The following OGA variants were observed in gnomAD, a reference collection of about 807,000 sequenced individuals.
The protein encoded by OGA is O-GlcNAcase.
A neutral mutation model predicts 102.0 loss-of-function variants in OGA; 21 were observed. That is an observed-to-expected ratio of 0.21 (90% CI 0.15 to 0.30). OGA has a LOEUF of 0.30. OGA is among the 10% of genes least tolerant of loss of function. The probability of loss-of-function intolerance (pLI) is 1.00; values close to 1 mark genes in which losing one functional copy is unlikely to be tolerated. For missense variants in OGA, 765 were observed against 1,107.8 expected (o/e 0.69, Z 4.39); for synonymous variants, 408 against 378.2 (o/e 1.08, Z -0.91).
chr10:101,812,604 T>C (rs963459055), intron 3 of OGA, among the ~76,000 whole-genome samples: 1 of 152,262 alleles, frequency 6.6e-6, no homozygotes, highest in Non-Finnish European at 1.5e-5. Context: ...AATTTCTGCA[T>C]TAATTTTGGT....
intron 13 of OGA, 66 bp downstream of exon 13, chr10:101,791,274 TTTCCAGTCATCACC>T: frequency 7.8e-7 from 1 of 1,285,994 alleles, no homozygotes; most frequent in African/African-American, 1.5e-5. Context: ...AATAAATATA[TTTCCAGTCATCACC>T]TCCCCTCAAC....
chr10:101,787,672 G>T, intron 14 of OGA, 149 bp from the exon 15 acceptor site: 2 of 664,284 alleles, frequency 3.0e-6, no homozygotes, highest in South Asian at 2.2e-5. Context: ...TATAATTCTA[G>T]CTGAAGCATT....
At chr10:101,787,599 C>T in intron 14 of OGA, 76 bp from the exon 15 acceptor site, 4 of 1,211,300 alleles carry the variant, frequency 3.3e-6, no homozygotes, top group Non-Finnish European at 4.7e-6. Context: ...AACTTAGCAA[C>T]AAGAAAGCAA....
At chr10:101,797,855 C>A in intron 10 of OGA, 125 bp downstream of exon 10, 1 of 911,238 alleles carries the variant, frequency 1.1e-6, no homozygotes, top group Admixed American at 2.4e-5. Flanking sequence ...TTGAAAGAAA[C>A]CTAGGCAACG....
At chr10:101,794,728 C>T (rs542670958) in intron 10 of OGA, among the ~76,000 whole-genome samples, 9 of 152,268 alleles carry the variant, frequency 5.9e-5, no homozygotes, top group Non-Finnish European at 1.2e-4. Flanking sequence ...ATACACTGAA[C>T]ATACACATGG....
At chr10:101,786,611 A>G in intron 15 of OGA, 24 bp from the exon 16 acceptor site, 1 of 1,543,414 alleles carries the variant, frequency 6.5e-7, no homozygotes, top group Non-Finnish European at 8.7e-7. Context: ...AAATATTCAA[A>G]ACATAAATAA....
chr10:101,805,852 G>A (rs555261412), intron 6 of OGA, among the ~76,000 whole-genome samples, 193 bp downstream of exon 6: 14 of 152,230 alleles, frequency 9.2e-5, no homozygotes, highest in Admixed American at 7.8e-4. Context: ...CTACTCGGGA[G>A]GCTGAGGCAG....
chr10:101,797,690 T>G (rs888785940), intron 10 of OGA: 29 of 545,010 alleles, frequency 5.3e-5, no homozygotes, highest in Admixed American at 5.2e-4. Context: ...GTATACAGGG[T>G]TCCATCCAGA....
chr10:101,804,272 C>CTTTTTTTTTTTTTT (rs965762850), intron 6 of OGA, among the ~76,000 whole-genome samples: 1 of 131,938 alleles, frequency 7.6e-6, no homozygotes, highest in Non-Finnish European at 1.6e-5. Flanking sequence ...CTTACGTGTA[C>CTTTTTTTTTTTTTT]TTTTTTTTTT....
At chr10:101,793,848 G>A in intron 11 of OGA, 65 bp downstream of exon 11, 1 of 1,225,696 alleles carries the variant, frequency 8.2e-7, no homozygotes, top group South Asian at 1.3e-5. Context: ...GCCATCTGAT[G>A]CGCAACATAA....
chr10:101,789,356 G>A (rs775856056), intron 14 of OGA, among the ~76,000 whole-genome samples: 9 of 152,076 alleles, frequency 5.9e-5, no homozygotes, highest in Non-Finnish European at 1.0e-4. Context: ...AAATTATCCG[G>A]GCGTGGTGGC....
intron 12 of OGA, 161 bp downstream of exon 12, chr10:101,792,678 C>G: frequency 1.8e-6 from 1 of 548,220 alleles, no homozygotes; most frequent in Non-Finnish European, 3.2e-6. Context: ...AGTCTAAACT[C>G]CTTAAATTTC....
Position 101,784,495 on chromosome 10 carries a change from C to T in OGA, c.*1956G>A, listed in dbSNP as rs1342284366. The stretch of plus-strand genomic sequence containing the variant: ...GCCTCTTGCATGGTCTTTTACAGTT[C>T]GTTTTCTACAGGAACTGAGCTCTGA... On this transcript the variant is annotated 3_prime_UTR_variant, in exon 16 of 16. Transcript: ENST00000361464. 1 of 152,620 alleles carries T rather than the reference C, an allele frequency of 6.6e-6. No homozygotes were observed. Among genetic ancestry groups the T allele is most frequent in the Non-Finnish European group, 1.5e-5 (1 of 68,050 alleles). 9.5% of individuals were successfully genotyped at this position (152,620 alleles called of 1,614,324 possible).
At chr10:101,787,780 C>A in intron 14 of OGA, 1 of 368,146 alleles carries the variant, frequency 2.7e-6, no homozygotes. Context: ...CTCTCTCTCT[C>A]TTTCCCTATT....
intron 10 of OGA, 112 bp from the exon 11 acceptor site, chr10:101,794,110 C>A: frequency 1.5e-6 from 1 of 680,048 alleles, no homozygotes; most frequent in South Asian, 1.9e-5. Context: ...TAACAATAAT[C>A]AGGGTTTCAG....
rs552878310 is a variant in OGA, at chr10:101,802,037, C to A, written c.1037-1637G>T. Among the ~76,000 whole-genome samples the A allele has an allele frequency of 2.0e-5, 3 of 152,114 alleles. No homozygotes were observed. The East Asian group carries it at 5.8e-4, about 29-fold the overall frequency. ...GTGTGCGCCAGTAATCCCAGCTACT[C>A]AGGAGGCTGAGGCCAGAGACTCGCT... On this transcript the variant is annotated intron_variant, in intron 7 of 15. Coordinates refer to ENST00000361464, the MANE Select transcript of OGA (RefSeq NM_012215.5).
intron 4 of OGA, among the ~76,000 whole-genome samples, chr10:101,809,674 G>A (rs546877466): frequency 7.0e-6 from 1 of 143,470 alleles, no homozygotes; most frequent in African/African-American, 2.6e-5. Context: ...TTGGGCCACT[G>A]CACTCCAGGC....
chr10:101,788,783 T>C (rs185550716), intron 14 of OGA, among the ~76,000 whole-genome samples: 2 of 152,060 alleles, frequency 1.3e-5, no homozygotes, highest in African/African-American at 4.8e-5. Context: ...TATTGGATCC[T>C]GGAACAGGAA....
At chr10:101,794,287 G>C (rs2065291437) in intron 10 of OGA, among the ~76,000 whole-genome samples, 1 of 152,072 alleles carries the variant, frequency 6.6e-6, no homozygotes, top group Non-Finnish European at 1.5e-5. Context: ...ATATTCCCTA[G>C]ATATTATACA....
Sources: gnomAD v4.1 joint callset for allele counts (sites outside exome capture counted in the v4.1 genomes callset) on GRCh38, gnomAD v4.1.1 for gene constraint, MANE v1.5 for transcripts, NCBI Gene and HGNC (gene_info 2026-07-23, HGNC 2026-07-21) for gene names.